Variants in PID1 observed in about 807,000 individuals in gnomAD.
The protein encoded by PID1 is PTB-containing, cubilin and LRP1-interacting protein.
PID1 carries 10 observed loss-of-function variants against 19.1 expected under a neutral mutation model. The observed-to-expected ratio is 0.52, with a 90% CI of 0.32 to 0.89. The LOEUF is 0.89. Among genes scored for constraint, PID1 ranks in the 40% least tolerant of loss-of-function variants. The pLI is 0.03. For synonymous variants in PID1, 130 were observed against 116.0 expected, an observed-to-expected ratio of 1.12 and a Z score of -0.78; for missense variants, 248 against 285.3, an observed-to-expected ratio of 0.87 and a Z score of 0.94.
At chr2:229,105,605 A>T (rs547040787) in intron 2 of PID1, among the ~76,000 whole-genome samples, 1 of 152,290 alleles carries the variant, frequency 6.6e-6, no homozygotes, top group South Asian at 2.1e-4. Context: ...CTGAACTCTC[A>T]TGTGTACAGT....
At chr2:229,155,179 A>G (rs949475189) in intron 2 of PID1, among the ~76,000 whole-genome samples, 8 of 152,224 alleles carry the variant, frequency 5.3e-5, no homozygotes, top group Non-Finnish European at 1.2e-4. Flanking sequence ...GGGAAGAATT[A>G]TCATTAAGAA....
At chr2:229,208,679 T>C (rs891517884) in intron 1 of PID1, among the ~76,000 whole-genome samples, 5 of 152,188 alleles carry the variant, frequency 3.3e-5, no homozygotes, top group Admixed American at 1.3e-4. Flanking sequence ...TATAAACTCA[T>C]TGAAATATTT....
intron 1 of PID1, among the ~76,000 whole-genome samples, chr2:229,172,553 A>C (rs1690731120): frequency 6.6e-6 from 1 of 151,998 alleles, no homozygotes; most frequent in Non-Finnish European, 1.5e-5. Context: ...TCCTCAGTGC[A>C]CGTCTATCTC....
intron 1 of PID1, among the ~76,000 whole-genome samples, chr2:229,159,024 G>A (rs1276807218): frequency 1.3e-5 from 2 of 152,194 alleles, no homozygotes; most frequent in African/African-American, 4.8e-5. Context: ...CTATTTGACA[G>A]CACAGCAGGG....
intron 2 of PID1, among the ~76,000 whole-genome samples, chr2:229,127,998 G>A (rs1294424498): frequency 6.6e-6 from 1 of 152,172 alleles, no homozygotes; most frequent in Non-Finnish European, 1.5e-5. Context: ...CTGTGCAGAT[G>A]CTGCTGATGG....
At chr2:229,183,740 G>A (rs930336688) in intron 1 of PID1, among the ~76,000 whole-genome samples, 5 of 151,834 alleles carry the variant, frequency 3.3e-5, no homozygotes, top group African/African-American at 1.2e-4. Context: ...TTTGGACCCA[G>A]ACTGGAACCA....
intron 1 of PID1, among the ~76,000 whole-genome samples, chr2:229,230,290 GAAA>G (rs1692176242): frequency 5.9e-5 from 9 of 151,732 alleles, no homozygotes; most frequent in Admixed American, 5.9e-4. Flanking sequence ...TAGAAAGAAA[GAAA>G]CGAGAGAGAA....
At chr2:229,200,800 A>G (rs1691482722) in intron 1 of PID1, among the ~76,000 whole-genome samples, 1 of 152,102 alleles carries the variant, frequency 6.6e-6, no homozygotes, top group South Asian at 2.1e-4. Flanking sequence ...GCATATTATC[A>G]TGGAATTACA....
rs574621641 is a variant in PID1 at position 229,082,796 on chromosome 2, T to C, written c.178-56688A>G. ...AAGAGAATACAGCTCAGCCAACATC[T>C]AGATTTCAGATTTTTAAGGCCCTAA... is the stretch of plus-strand genomic sequence containing the variant. On this transcript the variant is annotated intron_variant, in intron 2 of 2. Transcript: ENST00000392055. Among the ~76,000 whole-genome samples the C allele has an allele frequency of 1.1e-4, 17 of 152,252 alleles. No homozygotes were observed. The East Asian group carries it at 3.3e-3, about 29-fold the overall frequency.
intron 2 of PID1, among the ~76,000 whole-genome samples, chr2:229,029,318 CA>C (rs200650395): frequency 0.29 from 31,498 of 107,578 alleles, 3,205 homozygotes; most frequent in Admixed American, 0.33. Flanking sequence ...TTTTTGAAGC[CA>C]AAAAAAAAAA....
At chr2:229,160,410 A>T (rs745892407) in intron 1 of PID1, among the ~76,000 whole-genome samples, 1 of 152,188 alleles carries the variant, frequency 6.6e-6, no homozygotes, top group Non-Finnish European at 1.5e-5. Flanking sequence ...ACAGAGTTCA[A>T]ATTCCAACTT....
chr2:229,209,998 T>C (rs543412010), intron 1 of PID1, among the ~76,000 whole-genome samples: 2 of 152,294 alleles, frequency 1.3e-5, no homozygotes, highest in East Asian at 3.9e-4. Flanking sequence ...AATCACTTTT[T>C]TTCAAACCAC....
intron 2 of PID1, among the ~76,000 whole-genome samples, chr2:229,070,820 G>C (rs1694436731): frequency 1.3e-5 from 2 of 152,096 alleles, no homozygotes; most frequent in African/African-American, 4.8e-5. Context: ...TGGCACAAGG[G>C]AAAAAGCACC....
intron 2 of PID1, among the ~76,000 whole-genome samples, chr2:229,040,120 G>GAAAA (rs59973595): frequency 7.7e-6 from 1 of 130,204 alleles, no homozygotes; most frequent in African/African-American, 2.8e-5. Flanking sequence ...TTGTTATGTG[G>GAAAA]AAAAAAAAAA....
intron 2 of PID1, among the ~76,000 whole-genome samples, chr2:229,076,433 G>A (rs931510556): frequency 1.3e-5 from 2 of 151,554 alleles, no homozygotes; most frequent in Non-Finnish European, 2.9e-5. Context: ...TGGGATAACT[G>A]TGCAGAACGA....
At chr2:229,059,041 A>C (rs1049836084) in intron 2 of PID1, among the ~76,000 whole-genome samples, 1 of 152,196 alleles carries the variant, frequency 6.6e-6, no homozygotes, top group Non-Finnish European at 1.5e-5. Flanking sequence ...GAGATTCTTG[A>C]ACACAAAATA....
chr2:229,253,591 C>CAAA (rs59530496), intron 1 of PID1, among the ~76,000 whole-genome samples: 4 of 128,502 alleles, frequency 3.1e-5, no homozygotes, highest in African/African-American at 8.7e-5. Context: ...AAATTCCAAG[C>CAAA]AAAAAAAAAA....
At chr2:229,062,521 C>T (rs1694232489) in intron 2 of PID1, among the ~76,000 whole-genome samples, 1 of 151,700 alleles carries the variant, frequency 6.6e-6, no homozygotes, top group African/African-American at 2.4e-5. Context: ...GGATTTTTGC[C>T]TCTGTTTTCA....
chr2:229,063,921 T>C (rs1436992830), intron 2 of PID1, among the ~76,000 whole-genome samples: 1 of 152,088 alleles, frequency 6.6e-6, no homozygotes. Flanking sequence ...TTAGGTCTTA[T>C]GTTAGGGGAA....
Sources: allele counts gnomAD v4.1 joint callset (sites outside exome capture counted in the v4.1 genomes callset), GRCh38; gene constraint gnomAD v4.1.1; transcripts MANE v1.5; gene names NCBI Gene and HGNC (gene_info 2026-07-23, HGNC 2026-07-21).